Variants in MARCHF3 observed in about 807,000 individuals in gnomAD.
MARCHF3 encodes membrane associated ring-CH-type finger 3.
A neutral mutation model predicts 24.2 loss-of-function variants in MARCHF3; 13 were observed. That is an observed-to-expected ratio of 0.54 (90% CI 0.35 to 0.85). MARCHF3 has a LOEUF of 0.85. Among genes scored for constraint, MARCHF3 ranks in the 40% least tolerant of loss-of-function variants. The probability of loss-of-function intolerance (pLI) is 0.01; values close to 1 mark genes in which losing one functional copy is unlikely to be tolerated. For missense variants in MARCHF3, 276 were observed against 325.0 expected (o/e 0.85, Z 1.16); for synonymous variants, 144 against 137.3 (o/e 1.05, Z -0.34).
At chr5:126,874,866 C>G (rs143377702) in intron 4 of MARCHF3, among the ~76,000 whole-genome samples, 150 of 152,270 alleles carry the variant, frequency 9.9e-4, no homozygotes, top group African/African-American at 3.2e-3. Flanking sequence ...CCACAGTGAG[C>G]CTTGTTGGGA....
chr5:126,986,031 C>T (rs901118949), intron 1 of MARCHF3, among the ~76,000 whole-genome samples: 1 of 152,204 alleles, frequency 6.6e-6, no homozygotes, highest in South Asian at 2.1e-4. Flanking sequence ...CCATTGCAAG[C>T]ATATCTAACA....
At chr5:126,993,553 AC>A (rs1342464203) in intron 1 of MARCHF3, among the ~76,000 whole-genome samples, 1 of 152,022 alleles carries the variant, frequency 6.6e-6, no homozygotes, top group Non-Finnish European at 1.5e-5. Flanking sequence ...TTCCTGGAGG[AC>A]CTCGGAAATA....
chr5:126,963,769 AAAAC>A (rs1422853172), intron 1 of MARCHF3, among the ~76,000 whole-genome samples: 1 of 152,214 alleles, frequency 6.6e-6, no homozygotes, highest in Non-Finnish European at 1.5e-5. Context: ...TTCTGTCAGG[AAAAC>A]AAACAAAAAG....
At chr5:126,980,598 T>C (rs1751362283) in intron 1 of MARCHF3, among the ~76,000 whole-genome samples, 3 of 152,168 alleles carry the variant, frequency 2.0e-5, no homozygotes, top group Non-Finnish European at 2.9e-5. Context: ...CTCAATCTCC[T>C]GACCTCATGA....
chr5:126,966,411 C>T (rs1750814468), intron 1 of MARCHF3, among the ~76,000 whole-genome samples: 1 of 151,198 alleles, frequency 6.6e-6, no homozygotes, highest in South Asian at 2.1e-4. Context: ...AAAACAATCT[C>T]ATCCATCTCA....
chr5:126,871,718 T>G (rs543379535), intron 4 of MARCHF3, among the ~76,000 whole-genome samples: 7 of 152,294 alleles, frequency 4.6e-5, no homozygotes, highest in African/African-American at 1.7e-4. Flanking sequence ...CTCTCTTTTT[T>G]TTTTTTTTGG....
chr5:126,906,939 T>C (rs1204009220), intron 3 of MARCHF3, among the ~76,000 whole-genome samples: 1 of 151,924 alleles, frequency 6.6e-6, no homozygotes, highest in Non-Finnish European at 1.5e-5. Flanking sequence ...TTTCCTGCTT[T>C]CTCTTGTGGG....
Position 126,923,615 on chromosome 5 carries a change from A to G in MARCHF3, c.-56-5388T>C, listed in dbSNP as rs552805329. Among the ~76,000 whole-genome samples the G allele has an allele frequency of 2.0e-5, 3 of 152,336 alleles. No homozygotes were observed. The South Asian group carries it at 6.2e-4, about 32-fold the overall frequency. Reference sequence around the variant, plus strand: ...AATTCCAGAGATTTCAAGAAGTGATAACAAACTATAGAAATGATCCCCCAA... The same window carrying G: ...AATTCCAGAGATTTCAAGAAGTGATGACAAACTATAGAAATGATCCCCCAA... On this transcript the variant is annotated intron_variant, in intron 1 of 4. Transcript: ENST00000308660.
rs779454094 is a variant in MARCHF3, at chr5:126,966,905, C to CTTTT, written c.-56-48682_-56-48679dup. Among the ~76,000 whole-genome samples, 16 of 4,496 alleles carry CTTTT rather than the reference C, an allele frequency of 3.6e-3. 1 individual carries two copies. Among genetic ancestry groups the CTTTT allele is most frequent in the African/African-American group, 5.6e-3 (8 of 1,438 alleles). 2.9% of individuals were successfully genotyped at this position (4,496 alleles called of 152,430 possible). On this transcript the variant is annotated intron_variant, in intron 1 of 4. Coordinates refer to ENST00000308660, the MANE Select transcript of MARCHF3 (RefSeq NM_178450.5). Reference sequence around the variant, plus strand: ...TTCTCTCTTGTTGGGCTGTGAGAGCCTTTTTTTTTTTTTTTTTTTTTTTTT... The same window carrying CTTTT: ...TTCTCTCTTGTTGGGCTGTGAGAGCCTTTTTTTTTTTTTTTTTTTTTTTTTTTTT...
intron 3 of MARCHF3, among the ~76,000 whole-genome samples, chr5:126,895,906 C>G (rs1264696965): frequency 6.6e-6 from 1 of 152,174 alleles, no homozygotes; most frequent in Non-Finnish European, 1.5e-5. Flanking sequence ...CGCCCCTCCC[C>G]CAGCCTTGCT....
intron 1 of MARCHF3, among the ~76,000 whole-genome samples, chr5:127,007,370 G>T (rs1752342016): frequency 6.6e-6 from 1 of 150,586 alleles, no homozygotes; most frequent in Non-Finnish European, 1.5e-5. Context: ...CCTTAAAAGA[G>T]GTTTCAAAAC....
chr5:126,884,820 C>A (rs1753456375), intron 3 of MARCHF3, among the ~76,000 whole-genome samples: 1 of 152,184 alleles, frequency 6.6e-6, no homozygotes, highest in Non-Finnish European at 1.5e-5. Context: ...CTCTGGCCAC[C>A]CTGCTGTCCA....
At chr5:126,924,188 C>G (rs1034512951) in intron 1 of MARCHF3, among the ~76,000 whole-genome samples, 1 of 152,184 alleles carries the variant, frequency 6.6e-6, no homozygotes, top group African/African-American at 2.4e-5. Context: ...GGACCCACAC[C>G]GAAGAACTGA....
At chr5:126,915,896 G>A (rs1172376640) in intron 2 of MARCHF3, among the ~76,000 whole-genome samples, 1 of 152,238 alleles carries the variant, frequency 6.6e-6, no homozygotes, top group Non-Finnish European at 1.5e-5. Context: ...TAACTCTGCT[G>A]TCTATTACCT....
At chr5:126,910,681 A>G (rs901865280) in intron 3 of MARCHF3, among the ~76,000 whole-genome samples, 2 of 152,188 alleles carry the variant, frequency 1.3e-5, no homozygotes, top group Non-Finnish European at 2.9e-5. Context: ...GATGTATGTC[A>G]CCTCAGGACC....
At chr5:126,916,288 G>A (rs1246107604) in intron 2 of MARCHF3, among the ~76,000 whole-genome samples, 1 of 152,158 alleles carries the variant, frequency 6.6e-6, no homozygotes, top group African/African-American at 2.4e-5. Flanking sequence ...CTCATGATAT[G>A]TGACAATCCT....
At position 126,959,718 on chromosome 5, in the gene MARCHF3, TAA is replaced by T. The variant is rs375131591; in HGVS notation, c.-56-41493_-56-41492del. 3.4e-4 allele frequency among the ~76,000 whole-genome samples: 52 copies of T among 152,206 alleles called. 1 individual carries two copies. The highest frequency in any genetic ancestry group is 1.2e-3 in the African/African-American group (48 of 41,548). ...TTTTCCTGTCACTACAAAACTGTTCTAAAAAAGAGTTTATTTAGAAAATAATC... is the reference window on the plus strand; with the variant it reads ...TTTTCCTGTCACTACAAAACTGTTCTAAAAGAGTTTATTTAGAAAATAATC... On this transcript the variant is annotated intron_variant, in intron 1 of 4. Coordinates refer to ENST00000308660, the MANE Select transcript of MARCHF3 (RefSeq NM_178450.5).
At chr5:126,908,611 A>G (rs1209151303) in intron 3 of MARCHF3, among the ~76,000 whole-genome samples, 1 of 152,048 alleles carries the variant, frequency 6.6e-6, no homozygotes, top group Non-Finnish European at 1.5e-5. Context: ...AGTTGATCGC[A>G]TCGGCTCCTG....
chr5:127,014,315 C>T (rs1454272118), intron 1 of MARCHF3, among the ~76,000 whole-genome samples: 4 of 152,064 alleles, frequency 2.6e-5, no homozygotes, highest in South Asian at 4.1e-4. Flanking sequence ...ACCCCAGATA[C>T]GATGGCTACT....
Sources: allele counts gnomAD v4.1 joint callset (sites outside exome capture counted in the v4.1 genomes callset), GRCh38; gene constraint gnomAD v4.1.1; transcripts MANE v1.5; gene names NCBI Gene and HGNC (gene_info 2026-07-23, HGNC 2026-07-21).